Variants in WDR59 observed in about 807,000 individuals in gnomAD.
The protein encoded by WDR59 is WD repeat domain 59.
Under a neutral mutation model 131.2 loss-of-function variants are expected in WDR59, and 100 were observed. The observed-to-expected ratio is 0.76, with a 90% CI of 0.65 to 0.90. The LOEUF (loss-of-function observed/expected upper bound fraction) is 0.90, where lower values mean the gene tolerates loss of function less well. Among genes scored for constraint, WDR59 ranks in the 40% least tolerant of loss-of-function variants. WDR59 has a pLI of 0.00. For missense variants in WDR59, 1,203 were observed against 1,262.2 expected (o/e 0.95, Z 0.71); for synonymous variants, 601 against 466.2 (o/e 1.29, Z -3.72).
At chr16:74,980,317 C>T (rs1180896882) in intron 1 of WDR59, among the ~76,000 whole-genome samples, 1 of 151,214 alleles carries the variant, frequency 6.6e-6, no homozygotes, top group Non-Finnish European at 1.5e-5. Flanking sequence ...AAAAGACTTT[C>T]ACACTTCAGA....
At chr16:74,977,086 C>A (rs930414783) in intron 1 of WDR59, among the ~76,000 whole-genome samples, 1 of 152,000 alleles carries the variant, frequency 6.6e-6, no homozygotes, top group African/African-American at 2.4e-5. Flanking sequence ...AAAGACAGCA[C>A]ATAGCTGGGA....
chr16:74,959,416 C>G (rs1025181033), intron 2 of WDR59: 1 of 368,842 alleles, frequency 2.7e-6, no homozygotes, highest in Non-Finnish European at 5.3e-6. Flanking sequence ...TAGCAGCCAA[C>G]GATCTCAGTC....
chr16:74,924,012 G>C lies in WDR59; in HGVS notation c.652-9C>G, dbSNP rs370180996. 118 of 1,612,608 alleles carry C rather than the reference G, an allele frequency of 7.3e-5. 1 individual carries two copies. The highest frequency in any genetic ancestry group is 6.0e-4 in the Admixed American group (36 of 59,852). ...TGGCGGTAATCCCAGAACTAGAAGA[G>C]AGCAAGCAAGATCATTTGTGAAATA... On this transcript the variant is annotated splice_polypyrimidine_tract_variant and intron_variant, in intron 8 of 25. Transcript: ENST00000262144.
intron 18 of WDR59, among the ~76,000 whole-genome samples, chr16:74,903,125 G>A (rs1000014219): frequency 3.3e-5 from 5 of 152,128 alleles, no homozygotes; most frequent in African/African-American, 1.2e-4. Flanking sequence ...CTAGAAATGG[G>A]TGTTTTGTCC....
intron 1 of WDR59, chr16:74,984,544 A>C: frequency 4.7e-6 from 1 of 213,752 alleles, no homozygotes; most frequent in Non-Finnish European, 9.6e-6. Flanking sequence ...GTTTCATCGA[A>C]TTCACCCCAA....
chr16:74,923,310 T>C (rs184901308), intron 9 of WDR59, among the ~76,000 whole-genome samples: 11 of 152,214 alleles, frequency 7.2e-5, no homozygotes, highest in African/African-American at 2.6e-4. Context: ...CCAGAGTTCC[T>C]TCCACCACAA....
chr16:74,942,928 G>A, intron 6 of WDR59, 102 bp from the exon 7 acceptor site: 1 of 1,010,368 alleles, frequency 9.9e-7, no homozygotes, highest in African/African-American at 1.6e-5. Context: ...GGCTGAATAA[G>A]CCCAGAACCC....
intron 1 of WDR59, among the ~76,000 whole-genome samples, chr16:74,983,543 G>C (rs963448095): frequency 6.6e-6 from 1 of 151,946 alleles, no homozygotes; most frequent in Non-Finnish European, 1.5e-5. Context: ...TGGGGAAGAG[G>C]GGATGTATAT....
chr16:74,918,967 A>C (rs1384293858), intron 10 of WDR59, among the ~76,000 whole-genome samples: 2 of 152,314 alleles, frequency 1.3e-5, no homozygotes, highest in East Asian at 3.9e-4. Context: ...ACGGCTTGTT[A>C]CAAGTGCCAC....
chr16:74,894,074 T>C (rs919456942), intron 18 of WDR59: 8 of 346,570 alleles, frequency 2.3e-5, no homozygotes, highest in Non-Finnish European at 3.6e-5. Flanking sequence ...CCAGGATTAA[T>C]ACATTAATTA....
At chr16:74,956,364 T>G in intron 3 of WDR59, 111 bp downstream of exon 3, 1 of 1,386,658 alleles carries the variant, frequency 7.2e-7, no homozygotes, top group Non-Finnish European at 9.5e-7. Context: ...CCAAACCTCT[T>G]TTCCAAATGA....
intron 10 of WDR59, among the ~76,000 whole-genome samples, chr16:74,921,480 T>G (rs1186977746): frequency 6.6e-6 from 1 of 152,082 alleles, no homozygotes; most frequent in Non-Finnish European, 1.5e-5. Flanking sequence ...ACTGAGGAAA[T>G]CACATCATCT....
intron 8 of WDR59, among the ~76,000 whole-genome samples, chr16:74,933,180 A>G (rs1215632839): frequency 6.6e-6 from 1 of 152,220 alleles, no homozygotes; most frequent in African/African-American, 2.4e-5. Flanking sequence ...ATACACCTGT[A>G]GTCCTAGCAA....
At chr16:74,881,311 T>C (rs185903518) in intron 25 of WDR59, among the ~76,000 whole-genome samples, 1 of 152,276 alleles carries the variant, frequency 6.6e-6, no homozygotes, top group East Asian at 1.9e-4. Flanking sequence ...GCCTTTCCAG[T>C]GCAAAGAGAA....
At chr16:74,909,800 A>G in intron 15 of WDR59, 22 bp downstream of exon 15, 1 of 1,603,900 alleles carries the variant, frequency 6.2e-7, no homozygotes, top group South Asian at 1.1e-5. Context: ...CTAAGTTGGT[A>G]TGACAGTTTC....
chr16:74,916,090 G>T, intron 12 of WDR59, 37 bp downstream of exon 12: 1 of 1,614,182 alleles, frequency 6.2e-7, no homozygotes. Flanking sequence ...AATGCGTAGA[G>T]TGGCACCTTA....
intron 1 of WDR59, 137 bp downstream of exon 1, chr16:74,984,827 G>T: frequency 7.8e-7 from 1 of 1,285,326 alleles, no homozygotes; most frequent in Non-Finnish European, 1.1e-6. Flanking sequence ...GGCCTAAGAG[G>T]TCGGCTAAGC....
chr16:74,874,899 T>G (rs1808444), intron 25 of WDR59, among the ~76,000 whole-genome samples: 63,488 of 151,922 alleles, frequency 0.42, 13,468 homozygotes, highest in Middle Eastern at 0.49. Flanking sequence ...CCTGTTTTTT[T>G]TTGTTTTTTT....
chr16:74,980,725 G>A (rs1240886123), intron 1 of WDR59, among the ~76,000 whole-genome samples: 2 of 151,982 alleles, frequency 1.3e-5, no homozygotes, highest in Admixed American at 6.6e-5. Context: ...GTAATCCAGC[G>A]CTTTGGGAGG....
Sources: allele counts gnomAD v4.1 joint callset (sites outside exome capture counted in the v4.1 genomes callset), GRCh38; gene constraint gnomAD v4.1.1; transcripts MANE v1.5; gene names NCBI Gene and HGNC (gene_info 2026-07-23, HGNC 2026-07-21).